Variants in SWT1 observed in about 807,000 individuals in gnomAD.
The protein encoded by SWT1 is transcriptional protein SWT1.
SWT1 carries 33 observed loss-of-function variants against 107.3 expected under a neutral mutation model. The observed-to-expected ratio is 0.31, with a 90% CI of 0.23 to 0.41. SWT1 has a LOEUF of 0.41. Among genes scored for constraint, SWT1 ranks in the 10% least tolerant of loss-of-function variants. The pLI is 1.00. For synonymous variants in SWT1, 345 were observed against 348.3 expected (o/e 0.99, Z 0.11); for missense variants, 898 against 1,028.9 (o/e 0.87, Z 1.74).
chr1:185,176,604 T>C, intron 5 of SWT1: 1 of 984,640 alleles, frequency 1.0e-6, no homozygotes, highest in Non-Finnish European at 1.2e-6. Flanking sequence ...CTGTGGAACC[T>C]TGGAATTTTA....
At chr1:185,174,321 C>T (rs1416177593) in intron 4 of SWT1, 51 bp from the exon 5 acceptor site, 5 of 1,393,200 alleles carry the variant, frequency 3.6e-6, no homozygotes, top group Non-Finnish European at 4.8e-6. Flanking sequence ...TGATAGAGTG[C>T]AACATTATGT....
chr1:185,239,457 T>A (rs1661112416), intron 16 of SWT1, among the ~76,000 whole-genome samples: 1 of 152,056 alleles, frequency 6.6e-6, no homozygotes, highest in African/African-American at 2.4e-5. Flanking sequence ...GTCGGTATGG[T>A]TATATATTTG....
chr1:185,160,748 A>G, intron 1 of SWT1, 85 bp from the exon 2 acceptor site: 1 of 944,040 alleles, frequency 1.1e-6, no homozygotes, highest in South Asian at 1.5e-5. Flanking sequence ...GTAAAACTCC[A>G]ATCTTTATAT....
At chr1:185,270,090 T>C (rs1663744340) in intron 16 of SWT1, among the ~76,000 whole-genome samples, 1 of 152,212 alleles carries the variant, frequency 6.6e-6, no homozygotes, top group South Asian at 2.1e-4. Context: ...ATGACTTTTC[T>C]TATAGTAATT....
intron 18 of SWT1, among the ~76,000 whole-genome samples, chr1:185,278,800 G>A (rs1307295858): frequency 6.6e-6 from 1 of 152,160 alleles, no homozygotes; most frequent in African/African-American, 2.4e-5. Flanking sequence ...TAAAAAGGTA[G>A]GAACTTAATA....
At chr1:185,178,977 T>A (rs1479395609) in intron 5 of SWT1, among the ~76,000 whole-genome samples, 1 of 152,142 alleles carries the variant, frequency 6.6e-6, no homozygotes, top group Non-Finnish European at 1.5e-5. Flanking sequence ...TGTACTTGTT[T>A]AAAGAGTGTT....
chr1:185,178,328 G>A (rs529030451), intron 5 of SWT1, among the ~76,000 whole-genome samples: 1 of 152,084 alleles, frequency 6.6e-6, no homozygotes, highest in Non-Finnish European at 1.5e-5. Flanking sequence ...TGGAGAGAAA[G>A]CCAGGGTCTC....
chr1:185,210,399 T>A (rs973969382), intron 13 of SWT1, among the ~76,000 whole-genome samples: 33 of 152,188 alleles, frequency 2.2e-4, no homozygotes, highest in African/African-American at 7.7e-4. Context: ...AATTTTTGTA[T>A]AAGGTGTAAG....
At position 185,175,097 on chromosome 1, in the gene SWT1, G is replaced by T. The variant is rs1278548463; in HGVS notation, c.950G>T (p.Arg317Met). 9 of 1,553,394 alleles carry T rather than the reference G, an allele frequency of 5.8e-6. No individual in the cohort carries two copies. The highest frequency in any genetic ancestry group is 1.2e-5 in the South Asian group (1 of 80,316). Residue 317 changes from arginine to methionine, a missense_variant, in exon 5 of 19, where the codon AGG becomes ATG. Arg to Met is a moderately conservative substitution (Grantham distance 91, BLOSUM62 -1). Transcript: ENST00000367500. ...DHQESNDSHS[R>M]ENLTQSFEAP... ...CAAGAAAGTAATGATTCACATTCTA[G>T]GGAAAACCTAACCCAGGTAAGGTAG...
intron 17 of SWT1, among the ~76,000 whole-genome samples, chr1:185,274,433 A>G (rs1051215995): frequency 1.3e-5 from 2 of 151,532 alleles, no homozygotes; most frequent in African/African-American, 4.8e-5. Context: ...CTGGGACTAC[A>G]GGCATGCATC....
chr1:185,180,330 G>A, intron 5 of SWT1, 61 bp from the exon 6 acceptor site: 2 of 1,378,916 alleles, frequency 1.5e-6, no homozygotes, highest in South Asian at 1.2e-5. Flanking sequence ...TAGTGACAAG[G>A]TTGAAAAACC....
intron 10 of SWT1, among the ~76,000 whole-genome samples, chr1:185,193,107 A>G (rs1476290645): frequency 4.6e-5 from 7 of 152,090 alleles, no homozygotes; most frequent in African/African-American, 9.7e-5. Context: ...GTTCTATTCA[A>G]TATACTTTAT....
chr1:185,200,908 C>T (rs184910316), intron 10 of SWT1, among the ~76,000 whole-genome samples: 2 of 152,286 alleles, frequency 1.3e-5, no homozygotes, highest in African/African-American at 4.8e-5. Flanking sequence ...TCTACAAGCT[C>T]CTGAGTGGGG....
At chr1:185,245,924 A>G (rs1254773433) in intron 16 of SWT1, among the ~76,000 whole-genome samples, 1 of 151,870 alleles carries the variant, frequency 6.6e-6, no homozygotes, top group Non-Finnish European at 1.5e-5. Flanking sequence ...ACCCACCATC[A>G]TGCCTGGCTA....
intron 16 of SWT1, among the ~76,000 whole-genome samples, chr1:185,256,213 A>G (rs1022162468): frequency 1.3e-4 from 20 of 151,426 alleles, no homozygotes; most frequent in South Asian, 4.2e-4. Flanking sequence ...TGCCCTTAAC[A>G]TTTTTTCCTT....
intron 14 of SWT1, among the ~76,000 whole-genome samples, 175 bp from the exon 15 acceptor site, chr1:185,221,674 A>G (rs568776063): frequency 6.6e-6 from 1 of 152,316 alleles, no homozygotes; most frequent in African/African-American, 2.4e-5. Flanking sequence ...ATGGAAAAGG[A>G]AAATATCTTT....
At chr1:185,190,492 C>T in intron 9 of SWT1, 57 bp from the exon 10 acceptor site, 2 of 968,842 alleles carry the variant, frequency 2.1e-6, no homozygotes, top group Non-Finnish European at 3.3e-6. Flanking sequence ...TAGATTATTT[C>T]TGTGTCACCC....
chr1:185,166,610 T>C lies in SWT1; in HGVS notation c.123T>C (p.Ser41=). 1 of 1,607,310 alleles carries C rather than the reference T, an allele frequency of 6.2e-7. No homozygotes were observed. Among genetic ancestry groups the C allele is most frequent in the South Asian group, 1.1e-5 (1 of 90,082 alleles). ...GAAAAACCCCAGCAAGTTCTACTAG[T>C]TCATCTTCTATAAGATCAGTTTCAT... The part of the protein sequence containing the change: ...KERKTPASST[S]SSSIRSVSSE... Residue 41 remains serine (S), a synonymous_variant, in exon 3 of 19, where the codon AGT becomes AGC. Coordinates refer to ENST00000367500, the MANE Select transcript of SWT1 (RefSeq NM_017673.7).
chr1:185,167,592 C>T (rs1654692676), intron 3 of SWT1, among the ~76,000 whole-genome samples: 1 of 152,200 alleles, frequency 6.6e-6, no homozygotes, highest in African/African-American at 2.4e-5. Flanking sequence ...CCCATTTCTC[C>T]TCTGCTGAAA....
Sources: allele counts gnomAD v4.1 joint callset (sites outside exome capture counted in the v4.1 genomes callset), GRCh38; gene constraint gnomAD v4.1.1; transcripts MANE v1.5; gene names NCBI Gene and HGNC (gene_info 2026-07-23, HGNC 2026-07-21).